Variants in GPA33 observed in about 807,000 individuals in gnomAD.
GPA33 encodes glycoprotein A33.
GPA33 carries 27 observed loss-of-function variants against 35.6 expected under a neutral mutation model. That is an observed-to-expected ratio of 0.76 (90% CI 0.56 to 1.04). GPA33 has a LOEUF of 1.04. Ranked by LOEUF, GPA33 falls within the 50% of genes least tolerant of loss-of-function variation. The pLI, the probability that GPA33 is intolerant of heterozygous loss-of-function variation, is 0.00. For missense variants in GPA33, 428 were observed against 411.9 expected (o/e 1.04, Z -0.34); for synonymous variants, 176 against 164.0 (o/e 1.07, Z -0.56).
chr1:167,057,244 C>T (rs1666327353), intron 4 of GPA33, among the ~76,000 whole-genome samples: 2 of 152,064 alleles, frequency 1.3e-5, no homozygotes, highest in Non-Finnish European at 2.9e-5. Context: ...CATGGAAGAC[C>T]TTTCCCCTCA....
chr1:167,057,983 G>C (rs1666346341), intron 4 of GPA33, among the ~76,000 whole-genome samples: 1 of 152,182 alleles, frequency 6.6e-6, no homozygotes, highest in African/African-American at 2.4e-5. Context: ...CAGATCACTT[G>C]AGGTCAGGAG....
rs756850453 is a variant in GPA33, at chr1:167,063,772, G to A, written c.416-35C>T. 5 of 1,593,372 alleles carry A rather than the reference G, an allele frequency of 3.1e-6. No homozygotes were observed. In the African/African-American group the frequency reaches 5.4e-5, roughly 17 times the overall value. ...GGAGAGACCAAAGAGAAGGCATGAGGCAGGTGGGGCTTGGTGACAGCCACC... is the reference window on the plus strand; with the variant it reads ...GGAGAGACCAAAGAGAAGGCATGAGACAGGTGGGGCTTGGTGACAGCCACC... On this transcript the variant is annotated intron_variant, in intron 3 of 6. Transcript: ENST00000367868.
intron 4 of GPA33, among the ~76,000 whole-genome samples, chr1:167,061,012 C>T (rs1666427485): frequency 6.6e-6 from 1 of 152,238 alleles, no homozygotes; most frequent in African/African-American, 2.4e-5. Flanking sequence ...GCACTAGTCT[C>T]AATGCTTCAC....
intron 4 of GPA33, among the ~76,000 whole-genome samples, chr1:167,060,430 G>C (rs1666412296): frequency 6.6e-6 from 1 of 152,188 alleles, no homozygotes; most frequent in Non-Finnish European, 1.5e-5. Context: ...AAGGCTTTGA[G>C]AACTCTGCCC....
At chr1:167,061,601 T>G (rs1433411909) in intron 4 of GPA33, among the ~76,000 whole-genome samples, 3 of 141,718 alleles carry the variant, frequency 2.1e-5, no homozygotes, top group Admixed American at 7.0e-5. Context: ...TTTTTTTTTT[T>G]TTTTTTTTTT....
chr1:167,055,896 T>C, intron 4 of GPA33, 47 bp from the exon 5 acceptor site: 5 of 1,607,994 alleles, frequency 3.1e-6, no homozygotes, highest in Non-Finnish European at 4.3e-6. Flanking sequence ...TACAGTGGAG[T>C]GGAGACAGCC....
At chr1:167,078,383 G>A (rs910298985) in intron 1 of GPA33, among the ~76,000 whole-genome samples, 1 of 152,164 alleles carries the variant, frequency 6.6e-6, no homozygotes, top group Admixed American at 6.5e-5. Flanking sequence ...AACTCAGTGT[G>A]ACCTTTATGT....
intron 1 of GPA33, among the ~76,000 whole-genome samples, chr1:167,083,446 A>G (rs1264883775): frequency 6.6e-6 from 1 of 152,214 alleles, no homozygotes; most frequent in Non-Finnish European, 1.5e-5. Flanking sequence ...GCACCCATTC[A>G]CTAACACCTA....
intron 4 of GPA33, among the ~76,000 whole-genome samples, chr1:167,061,318 T>A (rs1217164053): frequency 6.6e-6 from 1 of 152,168 alleles, no homozygotes; most frequent in Non-Finnish European, 1.5e-5. Context: ...TGGGTCTCCA[T>A]ATACACACTT....
At chr1:167,062,135 C>T (rs1035161442) in intron 4 of GPA33, among the ~76,000 whole-genome samples, 1 of 151,908 alleles carries the variant, frequency 6.6e-6, no homozygotes, top group Non-Finnish European at 1.5e-5. Flanking sequence ...GGATGGACAC[C>T]TTTCAGGCCT....
At position 167,054,377 on chromosome 1, in the gene GPA33, T is replaced by C. The variant is rs1303918231; in HGVS notation, c.917A>G (p.Gln306Arg). 2.5e-6 allele frequency: 4 copies of C among 1,614,172 alleles called. No homozygotes were observed. The highest frequency in any genetic ancestry group is 1.1e-5 in the South Asian group (1 of 91,088). ...CGGGGATTCACGCCCAGTGCTCCTC[T>C]GCTCTTCTTGCCTGTAGTCATCCTC... Reference protein sequence around the residue: ...EEEDDYRQEEQRSTGRESPDH... With the variant: ...EEEDDYRQEERRSTGRESPDH... Residue 306 changes from glutamine to arginine, a missense_variant, in exon 7 of 7, where the codon CAG becomes CGG. Coordinates refer to ENST00000367868, the MANE Select transcript of GPA33 (RefSeq NM_005814.3).
At chr1:167,070,969 G>A (rs928765432) in intron 2 of GPA33, among the ~76,000 whole-genome samples, 8 of 152,118 alleles carry the variant, frequency 5.3e-5, no homozygotes, top group African/African-American at 1.4e-4. Context: ...TTCTCTTTAC[G>A]TGTGGGGTAT....
At chr1:167,076,174 A>T (rs1455632714) in intron 1 of GPA33, among the ~76,000 whole-genome samples, 1 of 152,224 alleles carries the variant, frequency 6.6e-6, no homozygotes, top group African/African-American at 2.4e-5. Flanking sequence ...ATGATGATTT[A>T]AAAAATAATA....
chr1:167,082,864 T>G (rs1312735370), intron 1 of GPA33, among the ~76,000 whole-genome samples: 2 of 151,968 alleles, frequency 1.3e-5, no homozygotes, highest in African/African-American at 4.8e-5. Context: ...GAGGAAGCAG[T>G]CCAAAGGTCA....
intron 2 of GPA33, among the ~76,000 whole-genome samples, chr1:167,070,316 G>T (rs1361809055): frequency 6.6e-6 from 1 of 152,174 alleles, no homozygotes; most frequent in Non-Finnish European, 1.5e-5. Flanking sequence ...GATCATAGCT[G>T]CTATTTATTG....
chr1:167,073,430 A>T lies in GPA33; in HGVS notation c.153T>A (p.Ser51Arg). 6.2e-7 allele frequency: 1 copy of T among 1,613,930 alleles called. No individual in the cohort carries two copies. Residue 51 changes from serine (S) to arginine (R), a missense_variant, in exon 2 of 7, where the codon AGT becomes AGA. By Grantham distance (110) the Ser-to-Arg change is moderately radical. Transcript: ENST00000367868. Reference sequence around the variant, plus strand: ...TATCCCATTGAATAAGTCCCTCTCGACTGGAGGTGGAAGTGTGGTAGGTGC... The same window carrying T: ...TATCCCATTGAATAAGTCCCTCTCGTCTGGAGGTGGAAGTGTGGTAGGTGC... Reference protein sequence around the residue: ...LPCTYHTSTSSREGLIQWDKL... With the variant: ...LPCTYHTSTSRREGLIQWDKL...
At chr1:167,056,766 TG>T (rs1416721079) in intron 4 of GPA33, among the ~76,000 whole-genome samples, 4 of 136,628 alleles carry the variant, frequency 2.9e-5, no homozygotes, top group Admixed American at 1.5e-4. Flanking sequence ...GGCGTGTGTG[TG>T]GTGTGTGTGG....
Position 167,055,771 on chromosome 1 carries a change from T to C in GPA33, c.650A>G (p.Glu217Gly), listed in dbSNP as rs772045521. ...CGTGATGTTGCAGAACTGCGTCCCCTCCTCATTGCTGGAGGTACAGATGTA... is the reference window on the plus strand; with the variant it reads ...CGTGATGTTGCAGAACTGCGTCCCCCCCTCATTGCTGGAGGTACAGATGTA... ...GYYICTSSNE[E>G]GTQFCNITVA... The change falls in exon 5 of 7, where the codon GAG (glutamate) becomes GGG (glycine). Residue 217 changes from glutamate (E) to glycine (G), a missense_variant. Glu to Gly is a moderately conservative substitution (Grantham distance 98, BLOSUM62 -2). Transcript: ENST00000367868. 1.2e-6 allele frequency: 2 copies of C among 1,613,720 alleles called. No homozygotes were observed. The highest frequency in any genetic ancestry group is 1.7e-6 in the Non-Finnish European group (2 of 1,179,870).
chr1:167,055,091 ACAGGG>A lies in GPA33; in HGVS notation c.707_711del (p.Ala236ValfsTer32). 1.2e-6 allele frequency: 2 copies of A among 1,612,674 alleles called. No homozygotes were observed. Among genetic ancestry groups the A allele is most frequent in the Non-Finnish European group, 1.7e-6 (2 of 1,179,796 alleles). On this transcript the variant is annotated frameshift_variant, in exon 6 of 7. Coordinates refer to ENST00000367868, the MANE Select transcript of GPA33 (RefSeq NM_005814.3). LOFTEE classifies it high-confidence loss of function. ...ACCACGCCCACCGCGATGCCCACAT[ACAGGG>A]CCACGTTCATGGAGGCTGCAAGAGG...
Sources: gnomAD v4.1 joint callset for allele counts (sites outside exome capture counted in the v4.1 genomes callset) on GRCh38, gnomAD v4.1.1 for gene constraint, MANE v1.5 for transcripts, NCBI Gene and HGNC (gene_info 2026-07-23, HGNC 2026-07-21) for gene names.